BAHCC1: variants seen among roughly 807,000 people sequenced by gnomAD.
BAHCC1 encodes BAH and coiled-coil domain-containing protein 1.
BAHCC1 carries 43 observed loss-of-function variants against 88.2 expected under a neutral mutation model. The observed-to-expected ratio is 0.49, with a 90% CI of 0.38 to 0.63. BAHCC1 has a LOEUF of 0.63. Ranked by LOEUF, BAHCC1 falls within the 20% of genes least tolerant of loss-of-function variation. BAHCC1 has a pLI of 0.00. For synonymous variants in BAHCC1, 1,510 were observed against 745.5 expected (o/e 2.03, Z -16.71); for missense variants, 3,023 against 1,654.8 (o/e 1.83, Z -14.34).
At position 81,459,565 on chromosome 17, in the gene BAHCC1, C is replaced by G. The variant is rs1834460407; in HGVS notation, c.5866C>G (p.Gln1956Glu). The G allele has an allele frequency of 1.3e-6, 1 of 779,600 alleles. No individual in the cohort carries two copies. The highest frequency in any genetic ancestry group is 2.4e-6 in the Non-Finnish European group (1 of 417,902). 48.3% of individuals were successfully genotyped at this position (779,600 alleles called of 1,614,324 possible). A position where few individuals can be genotyped will look rare whatever the true frequency, so the allele number is the denominator to read the frequency against. The change falls in exon 23 of 28, where the codon CAG (glutamine) becomes GAG (glutamate). Residue 1956 changes from glutamine to glutamate, a missense_variant. Physicochemically the swap from Gln to Glu is conservative, Grantham distance 29. Coordinates refer to ENST00000675386, the MANE Select transcript of BAHCC1 (RefSeq NM_001377448.1). ...PGTRVCAYWS[Q>E]KSRCLYPGNV... Reference sequence around the variant, plus strand: ...CACGCGGGTCTGCGCCTACTGGAGTCAGAAGTCTCGATGTCTGTACCCGGG... The same window carrying G: ...CACGCGGGTCTGCGCCTACTGGAGTGAGAAGTCTCGATGTCTGTACCCGGG...
intron 2 of BAHCC1, among the ~76,000 whole-genome samples, chr17:81,413,736 C>G (rs899290): frequency 0.67 from 102,364 of 152,240 alleles, 36,373 homozygotes; most frequent in South Asian, 0.82. Context: ...AGGCTGGGCT[C>G]AGGGCGCGGG....
Position 81,461,478 on chromosome 17 carries a change from G to A in BAHCC1, c.6815G>A (p.Arg2272His), listed in dbSNP as rs782659114. 6.3e-5 allele frequency: 47 copies of A among 744,072 alleles called. No homozygotes were observed. The highest frequency in any genetic ancestry group is 2.3e-4 in the Middle Eastern group (1 of 4,406). 46.1% of individuals were successfully genotyped at this position (744,072 alleles called of 1,614,324 possible). The stretch of plus-strand genomic sequence containing the variant: ...CCGCTGCCCATGGGGCTGGCGCTGC[G>A]CAAGTACGCGGGCCAGGCAGAGTTC... Reference protein sequence around the residue: ...IPPLPMGLALRKYAGQAEFPL... With the variant: ...IPPLPMGLALHKYAGQAEFPL... The change falls in exon 26 of 28, where the codon CGC (arginine) becomes CAC (histidine). Residue 2272 changes from arginine (R) to histidine (H), a missense_variant. By Grantham distance (29) the Arg-to-His change is conservative. Transcript: ENST00000675386.
rs1211026916 is a variant in BAHCC1, at chr17:81,397,842, CTT to C, written c.-206-1690_-206-1689del. Among the ~76,000 whole-genome samples, 85 of 152,360 alleles carry C rather than the reference CTT, an allele frequency of 5.6e-4. 2 individuals carry two copies. Among genetic ancestry groups the C allele is most frequent in the African/African-American group, 2.0e-3 (82 of 41,584 alleles). ...ATGTAGTTGCCAGACAAAGAGAACT[CTT>C]TGTGTAGACCCATTTATTTACAATG... is the stretch of plus-strand genomic sequence containing the variant. On this transcript the variant is annotated intron_variant, in intron 1 of 27. Coordinates refer to ENST00000675386, the MANE Select transcript of BAHCC1 (RefSeq NM_001377448.1).
intron 10 of BAHCC1, 136 bp from the exon 11 acceptor site, chr17:81,446,900 C>G (rs1470149867): frequency 1.5e-6 from 1 of 674,012 alleles, no homozygotes; most frequent in South Asian, 1.6e-5. Flanking sequence ...ACCAGTCTTG[C>G]AGACCTGCAG....
intron 2 of BAHCC1, among the ~76,000 whole-genome samples, chr17:81,418,782 T>TGC (rs1447103440): frequency 0.034 from 4,519 of 132,174 alleles, 91 homozygotes; most frequent in Non-Finnish European, 0.05. Context: ...TGTACGTGTG[T>TGC]GTGTACGTGT....
intron 14 of BAHCC1, among the ~76,000 whole-genome samples, chr17:81,454,913 C>T (rs1183979125): frequency 6.6e-6 from 1 of 152,208 alleles, no homozygotes; most frequent in Non-Finnish European, 1.5e-5. Flanking sequence ...GTGGCTAGGA[C>T]CAGACAGCAC....
At chr17:81,412,371 C>T (rs924623486) in intron 2 of BAHCC1, among the ~76,000 whole-genome samples, 58 of 152,308 alleles carry the variant, frequency 3.8e-4, no homozygotes, top group African/African-American at 1.3e-3. Flanking sequence ...TTAAAAAGCC[C>T]TTAGTGTGTG....
Position 81,465,698 on chromosome 17 carries a change from C to G in BAHCC1, c.*1881C>G, listed in dbSNP as rs1347544351. 6.6e-6 allele frequency: 1 copy of G among 152,326 alleles called. No homozygotes were observed. The highest frequency in any genetic ancestry group is 1.5e-5 in the Non-Finnish European group (1 of 68,106). 9.4% of individuals were successfully genotyped at this position (152,326 alleles called of 1,614,324 possible). On this transcript the variant is annotated 3_prime_UTR_variant, in exon 28 of 28. Transcript: ENST00000675386. The stretch of plus-strand genomic sequence containing the variant: ...CTATTTTTCTCGGGCCCATTGGGGC[C>G]TGTTTCTCACCTGCTGGCTGGACCC...
rs202045641 is a variant in BAHCC1, at chr17:81,452,709, C to A, written c.4317-14C>A. On this transcript the variant is annotated splice_polypyrimidine_tract_variant and intron_variant, in intron 13 of 27. Transcript: ENST00000675386. ...TGTGCATGAGCCTCTGACCATCCCC[C>A]CTGCGGCCCCCAGGAGAGACGAGAG... 8.1e-6 allele frequency: 6 copies of A among 743,364 alleles called. No homozygotes were observed. The highest frequency in any genetic ancestry group is 2.7e-5 in the East Asian group (1 of 37,228). The allele number at this position is 743,364 out of a possible 1,614,324, so 46.0% of individuals were successfully genotyped here. A position where few individuals can be genotyped will look rare whatever the true frequency, so the allele number is the denominator to read the frequency against.
rs2063791817 is a variant in BAHCC1, at chr17:81,399,877, A to G, written c.138A>G (p.Gly46=). 6.9e-7 allele frequency: 1 copy of G among 1,448,620 alleles called. No homozygotes were observed. The highest frequency in any genetic ancestry group is 3.1e-5 in the East Asian group (1 of 32,668). 89.7% of individuals were successfully genotyped at this position (1,448,620 alleles called of 1,614,324 possible). Residue 46 remains glycine (G), a synonymous_variant, in exon 2 of 28, where the codon GGA becomes GGG. Transcript: ENST00000675386. This position sits in a 1 kb window ranked among gnomAD's most constrained non-coding sequence, Gnocchi z 4.5. The stretch of plus-strand genomic sequence containing the variant: ...AGCCCCCCGCACACTTCCAGCCGGG[A>G]AAGTACTTCCCGTCGCCGTTGCCCA... The part of the protein sequence containing the change: ...AAQPPAHFQP[G]KYFPSPLPMA...
chr17:81,404,094 A>G (rs2063851289), intron 2 of BAHCC1, among the ~76,000 whole-genome samples: 1 of 152,186 alleles, frequency 6.6e-6, no homozygotes, highest in African/African-American at 2.4e-5. Context: ...ATCTTCTCTC[A>G]TCTCCCTGTG....
rs558430774 is a variant in BAHCC1, at chr17:81,447,902, G to T, written c.3976+54G>T. ...AGAGTCCCAGCAGTGGGACCCACACGCCTGCCTCAGGGTCACCTGGCCAGA... is the reference window on the plus strand; with the variant it reads ...AGAGTCCCAGCAGTGGGACCCACACTCCTGCCTCAGGGTCACCTGGCCAGA... On this transcript the variant is annotated intron_variant, in intron 11 of 27. Transcript: ENST00000675386. 11 of 707,622 alleles carry T rather than the reference G, an allele frequency of 1.6e-5. No individual in the cohort carries two copies. The East Asian group carries it at 1.6e-4, about 10-fold the overall frequency. 43.8% of individuals were successfully genotyped at this position (707,622 alleles called of 1,614,324 possible).
intron 2 of BAHCC1, among the ~76,000 whole-genome samples, chr17:81,408,603 GGA>G (rs1197484472): frequency 6.6e-6 from 1 of 152,144 alleles, no homozygotes; most frequent in East Asian, 1.9e-4. Context: ...CTGCCTAAGT[GGA>G]GAGGGGTCCC....
Position 81,442,158 on chromosome 17 carries a change from G to T in BAHCC1, c.809G>T (p.Arg270Leu), listed in dbSNP as rs782530704. 2 of 655,136 alleles carry T rather than the reference G, an allele frequency of 3.1e-6. No individual in the cohort carries two copies. The highest frequency in any genetic ancestry group is 3.4e-5 in the South Asian group (2 of 58,152). 40.6% of individuals were successfully genotyped at this position (655,136 alleles called of 1,614,324 possible). The change falls in exon 5 of 28, where the codon CGA becomes CTA. Residue 270 changes from arginine (R) to leucine (L), a missense_variant. Coordinates refer to ENST00000675386, the MANE Select transcript of BAHCC1 (RefSeq NM_001377448.1). ...TGCAGGGAGGGCGGCCCCGCACCCCGAGGGGCCTGCGAGGGCCGCCCCAAG... is the reference window on the plus strand; with the variant it reads ...TGCAGGGAGGGCGGCCCCGCACCCCTAGGGGCCTGCGAGGGCCGCCCCAAG... ...GHCREGGPAP[R>L]GACEGRPKHL... is the part of the protein sequence containing the mutation.
In BAHCC1 at chr17:81,438,413, C is replaced by T. The variant is rs782774935; in HGVS notation, c.402C>T (p.Phe134=). 6 of 778,700 alleles carry T rather than the reference C, an allele frequency of 7.7e-6. No homozygotes were observed. The South Asian group carries it at 8.1e-5, about 10-fold the overall frequency. 48.2% of individuals were successfully genotyped at this position (778,700 alleles called of 1,614,324 possible). ...TTTCGGGGAGTCTGGCATCCACCTT[C>T]CTACCCGTGAGCCACTTGGATCACC... The part of the protein sequence containing the change: ...PRFSGSLAST[F]LPVSHLDHHG... Residue 134 remains phenylalanine, a synonymous_variant, in exon 4 of 28, where the codon TTC becomes TTT. Transcript: ENST00000675386.
intron 2 of BAHCC1, among the ~76,000 whole-genome samples, chr17:81,417,634 T>A (rs557389512): frequency 6.7e-6 from 1 of 149,132 alleles, no homozygotes; most frequent in East Asian, 2.1e-4. Flanking sequence ...TCCTTTTCTT[T>A]TATTAGTTCT....
At chr17:81,425,749 T>TGG (rs149917502) in intron 2 of BAHCC1, among the ~76,000 whole-genome samples, 1 of 68,268 alleles carries the variant, frequency 1.5e-5, no homozygotes, top group African/African-American at 6.0e-5. Flanking sequence ...ATGTGGTTGG[T>TGG]GTGATGTGGT....
At chr17:81,456,779 C>G (rs1237959021) in intron 16 of BAHCC1, among the ~76,000 whole-genome samples, 194 bp downstream of exon 16, 1 of 152,090 alleles carries the variant, frequency 6.6e-6, no homozygotes, top group Non-Finnish European at 1.5e-5. Context: ...AGACCCCCAT[C>G]CCCAGGCAGA....
chr17:81,452,617 C>T, intron 13 of BAHCC1, 106 bp from the exon 14 acceptor site: 3 of 562,106 alleles, frequency 5.3e-6, no homozygotes, highest in Admixed American at 3.7e-5. Flanking sequence ...TGGGCCGCAT[C>T]TTTCCCCACA....
Sources: allele counts gnomAD v4.1 joint callset (sites outside exome capture counted in the v4.1 genomes callset), GRCh38; gene constraint gnomAD v4.1.1; non-coding constraint Gnocchi (gnomAD v3.1); transcripts MANE v1.5; gene names NCBI Gene and HGNC (gene_info 2026-07-23, HGNC 2026-07-21).